The following KCNT2 variants were observed in gnomAD, a reference collection of about 807,000 sequenced individuals.
The protein encoded by KCNT2 is potassium sodium-activated channel subfamily T member 2, also known as potassium channel subfamily T member 2.
In KCNT2, 67 loss-of-function variants were observed where a neutral mutation model predicts 153.8. The ratio of observed to expected loss-of-function variants is 0.44; its 90% confidence interval spans 0.36 to 0.53. The LOEUF (loss-of-function observed/expected upper bound fraction) is 0.53, where lower values mean the gene tolerates loss of function less well. KCNT2 is among the 20% of genes least tolerant of loss of function. KCNT2 has a pLI of 0.00. For missense variants in KCNT2, 975 were observed against 1,354.8 expected, an observed-to-expected ratio of 0.72 and a Z score of 4.40; for synonymous variants, 500 against 458.8, an observed-to-expected ratio of 1.09 and a Z score of -1.15.
intron 1 of KCNT2, among the ~76,000 whole-genome samples, chr1:196,525,684 A>G (rs1334870988): frequency 6.6e-6 from 1 of 152,234 alleles, no homozygotes; most frequent in African/African-American, 2.4e-5. Context: ...TAAAACAACA[A>G]AAAAAGCACA....
At chr1:196,310,139 T>C (rs1398270042) in intron 21 of KCNT2, among the ~76,000 whole-genome samples, 2 of 151,858 alleles carry the variant, frequency 1.3e-5, no homozygotes, top group Admixed American at 6.6e-5. Context: ...TATAAGAATA[T>C]TGGAAAATGT....
intron 21 of KCNT2, among the ~76,000 whole-genome samples, chr1:196,311,630 G>T (rs573566466): frequency 6.6e-6 from 1 of 151,718 alleles, no homozygotes; most frequent in Non-Finnish European, 1.5e-5. Context: ...TACCCATTCT[G>T]CCCTAAACAT....
chr1:196,315,813 C>A, intron 21 of KCNT2, 79 bp downstream of exon 21: 2 of 1,276,612 alleles, frequency 1.6e-6, no homozygotes, highest in Admixed American at 2.4e-5. Context: ...CATGTTCATT[C>A]CTCACAGAGT....
At chr1:196,580,978 T>C (rs1661964220) in intron 1 of KCNT2, among the ~76,000 whole-genome samples, 1 of 152,150 alleles carries the variant, frequency 6.6e-6, no homozygotes, top group South Asian at 2.1e-4. Context: ...TTGAGCTATG[T>C]ACAATCATTA....
At chr1:196,385,772 A>ATATATAT (rs1553308935) in intron 13 of KCNT2, among the ~76,000 whole-genome samples, 1 of 148,452 alleles carries the variant, frequency 6.7e-6, no homozygotes, top group African/African-American at 2.5e-5. Context: ...GCATTAAAAA[A>ATATATAT]ATATATATAT....
intron 1 of KCNT2, among the ~76,000 whole-genome samples, chr1:196,605,728 A>G (rs928490656): frequency 3.3e-5 from 5 of 152,192 alleles, no homozygotes; most frequent in Admixed American, 6.5e-5. Context: ...ATTTGTCACC[A>G]TATTATAGAC....
At chr1:196,369,202 T>C (rs539302999) in intron 14 of KCNT2, among the ~76,000 whole-genome samples, 1 of 152,286 alleles carries the variant, frequency 6.6e-6, no homozygotes, top group South Asian at 2.1e-4. Flanking sequence ...TGAAATGTAA[T>C]CAGGATGGGC....
At chr1:196,570,031 A>T (rs1468049649) in intron 1 of KCNT2, among the ~76,000 whole-genome samples, 1 of 150,264 alleles carries the variant, frequency 6.7e-6, no homozygotes, top group Non-Finnish European at 1.5e-5. Context: ...TCTAACCAAC[A>T]AAAAGCCTCC....
intron 25 of KCNT2, among the ~76,000 whole-genome samples, chr1:196,264,283 G>T (rs1657308543): frequency 6.6e-6 from 1 of 152,016 alleles, no homozygotes. Flanking sequence ...AAATTGAGAG[G>T]GGACTTTTTC....
intron 12 of KCNT2, among the ~76,000 whole-genome samples, chr1:196,406,728 G>T (rs1022798360): frequency 6.6e-6 from 1 of 151,452 alleles, no homozygotes; most frequent in Non-Finnish European, 1.5e-5. Context: ...ATCTGGGACT[G>T]AAACATTACC....
At chr1:196,373,314 A>G (rs73067629) in intron 13 of KCNT2, 66 bp from the exon 14 acceptor site, 56,519 of 749,202 alleles carry the variant, frequency 0.075, 2,966 homozygotes, top group African/African-American at 0.21. Context: ...TGTAAAAAAT[A>G]AAACAAAATG....
chr1:196,438,535 T>G (rs989446131), intron 8 of KCNT2, among the ~76,000 whole-genome samples: 2 of 151,908 alleles, frequency 1.3e-5, no homozygotes, highest in Non-Finnish European at 2.9e-5. Flanking sequence ...AATCTTTAAC[T>G]ATTTGCAAAG....
chr1:196,237,885 G>A (rs993107569), intron 26 of KCNT2, among the ~76,000 whole-genome samples: 3 of 151,762 alleles, frequency 2.0e-5, no homozygotes, highest in Admixed American at 6.6e-5. Flanking sequence ...TTACTGGCAG[G>A]AGATTACTAG....
intron 1 of KCNT2, among the ~76,000 whole-genome samples, chr1:196,578,208 ATCCCAAACCT>A (rs1306046226): frequency 3.1e-4 from 5 of 16,080 alleles, no homozygotes; most frequent in African/African-American, 3.8e-4. Flanking sequence ...AAAAAAAACA[ATCCCAAACCT>A]GCAGTCTTAC....
intron 26 of KCNT2, among the ~76,000 whole-genome samples, chr1:196,249,627 G>T (rs993231037): frequency 6.6e-6 from 1 of 151,962 alleles, no homozygotes; most frequent in African/African-American, 2.4e-5. Context: ...ACAAAAATTA[G>T]CTGGGCCTGG....
At chr1:196,463,979 G>C (rs1557969196) in intron 8 of KCNT2, among the ~76,000 whole-genome samples, 1 of 151,730 alleles carries the variant, frequency 6.6e-6, no homozygotes, top group Admixed American at 6.6e-5. Flanking sequence ...TACTTTAAGA[G>C]ACTCCCACAT....
chr1:196,279,441 G>C (rs904882320), intron 25 of KCNT2, among the ~76,000 whole-genome samples: 1 of 151,724 alleles, frequency 6.6e-6, no homozygotes, highest in African/African-American at 2.4e-5. Context: ...ATTATTATTT[G>C]AGACAGAGTC....
intron 1 of KCNT2, among the ~76,000 whole-genome samples, chr1:196,530,485 GA>G: frequency 6.6e-6 from 1 of 151,886 alleles, no homozygotes; most frequent in South Asian, 2.1e-4. Flanking sequence ...CTATTAAGTG[GA>G]AAACCGATAT....
intron 3 of KCNT2, among the ~76,000 whole-genome samples, chr1:196,485,743 G>A (rs1572611710): frequency 6.6e-6 from 1 of 151,522 alleles, no homozygotes; most frequent in Non-Finnish European, 1.5e-5. Flanking sequence ...TAAATACATA[G>A]AAGGAAATGT....
Sources: gnomAD v4.1 joint callset for allele counts (sites outside exome capture counted in the v4.1 genomes callset) on GRCh38, gnomAD v4.1.1 for gene constraint, MANE v1.5 for transcripts, NCBI Gene and HGNC (gene_info 2026-07-23, HGNC 2026-07-21) for gene names.